Variants in DAB1 observed in about 807,000 individuals in gnomAD.
The protein encoded by DAB1 is disabled homolog 1.
Under a neutral mutation model 64.6 loss-of-function variants are expected in DAB1, and 15 were observed. The observed-to-expected ratio is 0.23, with a 90% CI of 0.16 to 0.36. The LOEUF (loss-of-function observed/expected upper bound fraction) is 0.36. DAB1 is among the 10% of genes least tolerant of loss of function. The probability of loss-of-function intolerance (pLI) is 1.00; values close to 1 mark genes in which losing one functional copy is unlikely to be tolerated. For missense variants in DAB1, 596 were observed against 706.7 expected (o/e 0.84, Z 1.78); for synonymous variants, 235 against 251.9 (o/e 0.93, Z 0.64).
At chr1:57,554,105 T>C (rs576726008) in intron 7 of DAB1, among the ~76,000 whole-genome samples, 1 of 152,116 alleles carries the variant, frequency 6.6e-6, no homozygotes, top group African/African-American at 2.4e-5. Flanking sequence ...CGAGGAGATA[T>C]TTGATAAGGT....
At chr1:57,462,188 A>G (rs1055281243) in intron 7 of DAB1, among the ~76,000 whole-genome samples, 3 of 151,822 alleles carry the variant, frequency 2.0e-5, no homozygotes, top group Non-Finnish European at 4.4e-5. Context: ...ACCTCAGGTG[A>G]CCCACCCACC....
chr1:58,250,542 A>G (rs1660765913), intron 4 of DAB1, among the ~76,000 whole-genome samples: 1 of 152,116 alleles, frequency 6.6e-6, no homozygotes, highest in South Asian at 2.1e-4. Flanking sequence ...TACCTTATAC[A>G]TCACTACCGC....
At chr1:58,538,736 C>A in intron 1 of DAB1, 2 of 692,082 alleles carry the variant, frequency 2.9e-6, no homozygotes, top group South Asian at 2.2e-5. Context: ...AATACGTTAG[C>A]ACAAAATATT....
At chr1:58,405,324 T>C (rs530352284) in intron 3 of DAB1, among the ~76,000 whole-genome samples, 1 of 152,266 alleles carries the variant, frequency 6.6e-6, no homozygotes, top group Admixed American at 6.5e-5. Context: ...TGTCACATCA[T>C]CTTATCTTCT....
chr1:57,017,482 G>A (rs1217820192), intron 11 of DAB1, among the ~76,000 whole-genome samples: 2 of 152,134 alleles, frequency 1.3e-5, no homozygotes, highest in Non-Finnish European at 2.9e-5. Context: ...AGTCACAGAT[G>A]TACCCGCCTT....
intron 6 of DAB1, among the ~76,000 whole-genome samples, chr1:57,777,178 G>T (rs1649850637): frequency 5.8e-5 from 5 of 86,594 alleles, no homozygotes; most frequent in South Asian, 3.8e-4. Context: ...AAAAATCAGT[G>T]AACCTTCTTA....
chr1:57,121,799 G>T (rs866396846), intron 4 of DAB1, among the ~76,000 whole-genome samples: 2 of 152,020 alleles, frequency 1.3e-5, no homozygotes, highest in Non-Finnish European at 2.9e-5. Flanking sequence ...GGTGGGCAAG[G>T]GGAGAGAACT....
intron 7 of DAB1, among the ~76,000 whole-genome samples, chr1:57,643,039 A>G (rs1325329328): frequency 1.3e-5 from 2 of 152,316 alleles, no homozygotes; most frequent in African/African-American, 4.8e-5. Flanking sequence ...TATTTCTTCA[A>G]CTTTGGCTAT....
chr1:57,149,650 T>A (rs1245361336), intron 2 of DAB1, among the ~76,000 whole-genome samples: 3 of 152,190 alleles, frequency 2.0e-5, no homozygotes, highest in Non-Finnish European at 2.9e-5. Flanking sequence ...AAATATCTAT[T>A]CAAATCCCAG....
chr1:58,373,521 C>T (rs1047552755), intron 3 of DAB1, among the ~76,000 whole-genome samples: 3 of 151,540 alleles, frequency 2.0e-5, no homozygotes, highest in African/African-American at 7.2e-5. Context: ...CTTACGGCTG[C>T]ATAGTATTCC....
In DAB1 at chr1:57,556,485, G is replaced by A. The variant is rs184474866; in HGVS notation, n.625+93107C>T. 1.4e-3 allele frequency among the ~76,000 whole-genome samples: 208 copies of A among 152,042 alleles called. 2 individuals are homozygous for A. The highest frequency in any genetic ancestry group is 4.6e-3 in the African/African-American group (192 of 41,490). ...ATTATGGCCATTCTTGTAGGAGTAA[G>A]GTGGTATTACATTGTGGTTTTGATT... On this transcript the variant is annotated intron_variant and non_coding_transcript_variant, in intron 7 of 20. Coordinates refer to the DAB1 transcript ENST00000485760.
intron 1 of DAB1, among the ~76,000 whole-genome samples, chr1:57,870,325 G>C (rs1051104305): frequency 2.2e-4 from 34 of 152,072 alleles, no homozygotes; most frequent in Non-Finnish European, 4.6e-4. Context: ...TCTGCACTTG[G>C]GGCTGCATAG....
At chr1:58,488,738 CCA>C (rs780710524) in intron 3 of DAB1, among the ~76,000 whole-genome samples, 12 of 152,264 alleles carry the variant, frequency 7.9e-5, no homozygotes, top group Non-Finnish European at 1.5e-4. Context: ...GCGTGAGCCA[CCA>C]CGCCCAGCCC....
chr1:58,421,672 C>T (rs1644773519), intron 3 of DAB1, among the ~76,000 whole-genome samples: 1 of 152,036 alleles, frequency 6.6e-6, no homozygotes, highest in East Asian at 1.9e-4. Flanking sequence ...TGTGATCTGT[C>T]CCAGATGACA....
At chr1:57,909,240 C>T (rs1644604062) in intron 5 of DAB1, among the ~76,000 whole-genome samples, 1 of 152,160 alleles carries the variant, frequency 6.6e-6, no homozygotes, top group Non-Finnish European at 1.5e-5. Context: ...CACTCTGAGA[C>T]TCAGTGGCCT....
chr1:58,230,435 C>A (rs990731194), intron 4 of DAB1, among the ~76,000 whole-genome samples: 33 of 152,310 alleles, frequency 2.2e-4, no homozygotes, highest in African/African-American at 7.9e-4. Flanking sequence ...AGTATTTGTT[C>A]CTGGAGCCAC....
chr1:58,215,556 G>C (rs482637), intron 4 of DAB1, among the ~76,000 whole-genome samples: 134,389 of 152,158 alleles, frequency 0.88, 59,550 homozygotes, highest in African/African-American at 0.92. Context: ...AGCAACGAAA[G>C]AGTTCTTGGT....
chr1:58,175,978 A>T (rs145808673), intron 4 of DAB1, among the ~76,000 whole-genome samples: 179 of 152,340 alleles, frequency 1.2e-3, no homozygotes, highest in African/African-American at 4.1e-3. Context: ...TTGTGAAATG[A>T]TGGAAGATCT....
intron 4 of DAB1, among the ~76,000 whole-genome samples, chr1:58,183,388 T>C (rs1243053967): frequency 2.6e-5 from 4 of 151,104 alleles, no homozygotes; most frequent in Admixed American, 6.6e-5. Context: ...GCTGCACCTA[T>C]GTGTGTAGCC....
Sources: gnomAD v4.1 joint callset for allele counts (sites outside exome capture counted in the v4.1 genomes callset) on GRCh38, gnomAD v4.1.1 for gene constraint, MANE v1.5 for transcripts, NCBI Gene and HGNC (gene_info 2026-07-23, HGNC 2026-07-21) for gene names.